Variants in SEC23B observed in about 807,000 individuals in gnomAD.
The protein encoded by SEC23B is protein transport protein Sec23B.
SEC23B carries 77 observed loss-of-function variants against 104.3 expected under a neutral mutation model. That is an observed-to-expected ratio of 0.74 (90% CI 0.61 to 0.89). SEC23B has a LOEUF of 0.89. SEC23B is among the 40% of genes least tolerant of loss of function. SEC23B has a pLI of 0.00. For synonymous variants in SEC23B, 338 were observed against 332.5 expected, an observed-to-expected ratio of 1.02 and a Z score of -0.18; for missense variants, 885 against 949.4, an observed-to-expected ratio of 0.93 and a Z score of 0.89.
intron 1 of SEC23B, among the ~76,000 whole-genome samples, chr20:18,510,181 C>T (rs1442908635): frequency 6.6e-6 from 1 of 152,134 alleles, no homozygotes; most frequent in Non-Finnish European, 1.5e-5. Flanking sequence ...GATGCCGAAA[C>T]AGGGTTCAAG....
chr20:18,518,989 G>GT (rs2054276496), intron 4 of SEC23B, among the ~76,000 whole-genome samples: 1 of 152,178 alleles, frequency 6.6e-6, no homozygotes, highest in Non-Finnish European at 1.5e-5. Context: ...CTTTGCAAGA[G>GT]TGAGGGCTCA....
At chr20:18,517,495 G>C (rs564184055) in intron 4 of SEC23B, among the ~76,000 whole-genome samples, 20 of 152,328 alleles carry the variant, frequency 1.3e-4, no homozygotes, top group African/African-American at 4.8e-4. Flanking sequence ...CCATCTGGAT[G>C]TATACGTGCA....
chr20:18,552,203 C>T (rs901747384), intron 17 of SEC23B, among the ~76,000 whole-genome samples: 12 of 85,014 alleles, frequency 1.4e-4, no homozygotes, highest in Non-Finnish European at 3.4e-4. Flanking sequence ...TTTCTGATGT[C>T]GTGAAAAGAT....
At chr20:18,514,116 A>G (rs1281203698) in intron 3 of SEC23B, among the ~76,000 whole-genome samples, 1 of 152,222 alleles carries the variant, frequency 6.6e-6, no homozygotes, top group Non-Finnish European at 1.5e-5. Flanking sequence ...CCAATTTATA[A>G]GTATGATCTG....
At chr20:18,541,754 T>C (rs1449863086) in intron 12 of SEC23B, among the ~76,000 whole-genome samples, 1 of 152,178 alleles carries the variant, frequency 6.6e-6, no homozygotes, top group Non-Finnish European at 1.5e-5. Flanking sequence ...AGCAGATATA[T>C]AATAATAATG....
At chr20:18,535,196 A>G (rs1014634866) in intron 11 of SEC23B, among the ~76,000 whole-genome samples, 2 of 113,440 alleles carry the variant, frequency 1.8e-5, no homozygotes, top group African/African-American at 6.7e-5. Flanking sequence ...TGACACACCC[A>G]CCCCCCCCCA....
chr20:18,554,161 G>A, intron 17 of SEC23B, 74 bp from the exon 18 acceptor site: 2 of 1,543,624 alleles, frequency 1.3e-6, no homozygotes, highest in Non-Finnish European at 1.8e-6. Context: ...GGGTGGCGAT[G>A]GTAGAATGTC....
chr20:18,520,268 CT>C (rs2060070894), intron 4 of SEC23B, among the ~76,000 whole-genome samples: 6 of 152,242 alleles, frequency 3.9e-5, no homozygotes, highest in African/African-American at 1.2e-4. Flanking sequence ...AGTTTATAGG[CT>C]TTAAAAGGCC....
At chr20:18,516,713 G>A (rs980240607) in intron 4 of SEC23B, among the ~76,000 whole-genome samples, 3 of 151,566 alleles carry the variant, frequency 2.0e-5, no homozygotes, top group South Asian at 2.1e-4. Context: ...CACCACGCCC[G>A]GCTAATTTTT....
At chr20:18,534,585 A>G (rs1199385528) in intron 11 of SEC23B, among the ~76,000 whole-genome samples, 1 of 152,216 alleles carries the variant, frequency 6.6e-6, no homozygotes, top group African/African-American at 2.4e-5. Context: ...CTGTAAGGGA[A>G]CACTTCCCCC....
In SEC23B at chr20:18,520,717, C is replaced by A. The variant is rs377725512; in HGVS notation, c.367-3716C>A. Among the ~76,000 whole-genome samples, 5 of 151,972 alleles carry A rather than the reference C, an allele frequency of 3.3e-5. No homozygotes were observed. The South Asian group carries it at 8.3e-4, about 25-fold the overall frequency. ...GGTTATGGAGGCAAGGGAAACAGGC[C>A]CTTGAAAAGAAGGTAATGTGGAGTG... On this transcript the variant is annotated intron_variant, in intron 4 of 19. Transcript: ENST00000650089.
intron 12 of SEC23B, among the ~76,000 whole-genome samples, chr20:18,542,084 A>G (rs2060292433): frequency 6.6e-6 from 1 of 152,172 alleles, no homozygotes; most frequent in South Asian, 2.1e-4. Context: ...GTGTATCATT[A>G]ACTTAAGTTC....
chr20:18,546,974 C>T (rs2060338719), intron 15 of SEC23B, among the ~76,000 whole-genome samples: 3 of 148,826 alleles, frequency 2.0e-5, no homozygotes, highest in African/African-American at 7.4e-5. Context: ...CCTTAAAAGC[C>T]AGCACATAAA....
intron 6 of SEC23B, 110 bp from the exon 7 acceptor site, chr20:18,525,678 G>C: frequency 8.4e-7 from 1 of 1,185,870 alleles, no homozygotes; most frequent in Non-Finnish European, 1.2e-6. Flanking sequence ...TTACCAGTCA[G>C]TTACTACTCT....
intron 2 of SEC23B, 95 bp from the exon 3 acceptor site, chr20:18,512,130 T>C: frequency 2.6e-6 from 2 of 781,146 alleles, no homozygotes; most frequent in South Asian, 3.5e-5. Context: ...TTACTGAACT[T>C]GAAATTTACA....
chr20:18,518,229 G>C (rs2148891462), intron 4 of SEC23B, among the ~76,000 whole-genome samples: 1 of 152,326 alleles, frequency 6.6e-6, no homozygotes, highest in South Asian at 2.1e-4. Flanking sequence ...AATGACTGCA[G>C]TGGCCTTCTC....
intron 16 of SEC23B, among the ~76,000 whole-genome samples, chr20:18,549,384 T>C (rs1213806298): frequency 3.3e-5 from 5 of 152,174 alleles, no homozygotes. Context: ...TGTAAATAAT[T>C]GTCATACTGT....
chr20:18,523,678 G>T (rs2060107282), intron 4 of SEC23B, among the ~76,000 whole-genome samples: 1 of 150,574 alleles, frequency 6.6e-6, no homozygotes, highest in Non-Finnish European at 1.5e-5. Flanking sequence ...TGGGATTCAG[G>T]CATGAGCCAC....
chr20:18,519,051 G>A lies in SEC23B; in HGVS notation c.366+3315G>A, dbSNP rs564600705. The stretch of plus-strand genomic sequence containing the variant: ...GAGAGGTAGTGGAGCCGGGCAGAGT[G>A]GTAGCCTCAATGATAGATGTGGAAG... On this transcript the variant is annotated intron_variant, in intron 4 of 19. Coordinates refer to ENST00000650089, the MANE Select transcript of SEC23B (RefSeq NM_006363.6). Among the ~76,000 whole-genome samples the A allele has an allele frequency of 2.0e-5, 3 of 152,272 alleles. No individual in the cohort carries two copies. In the East Asian group the frequency reaches 5.8e-4, roughly 29 times the overall value.
Sources: allele counts gnomAD v4.1 joint callset (sites outside exome capture counted in the v4.1 genomes callset), GRCh38; gene constraint gnomAD v4.1.1; transcripts MANE v1.5; gene names NCBI Gene and HGNC (gene_info 2026-07-23, HGNC 2026-07-21).